Variants in ZNF366 observed in about 807,000 individuals in gnomAD.
ZNF366 encodes the protein dendritic cell-specific transcript protein.
ZNF366 carries 20 observed loss-of-function variants against 47.2 expected under a neutral mutation model. The observed-to-expected ratio is 0.42, with a 90% CI of 0.30 to 0.62. The LOEUF is 0.62. Ranked by LOEUF, ZNF366 falls within the 20% of genes least tolerant of loss-of-function variation. The pLI is 0.16. For synonymous variants in ZNF366, 421 were observed against 395.1 expected (o/e 1.07, Z -0.78); for missense variants, 987 against 976.3 (o/e 1.01, Z -0.15).
intron 1 of ZNF366, among the ~76,000 whole-genome samples, chr5:72,504,849 A>T (rs1179386368): frequency 2.0e-5 from 3 of 152,224 alleles, no homozygotes; most frequent in African/African-American, 7.2e-5. Flanking sequence ...TAATTCTCAC[A>T]ACTCCATTAT....
At chr5:72,457,543 G>A (rs1743216110) in intron 2 of ZNF366, among the ~76,000 whole-genome samples, 1 of 152,194 alleles carries the variant, frequency 6.6e-6, no homozygotes, top group Non-Finnish European at 1.5e-5. Flanking sequence ...CATAGTGGCT[G>A]AAGGAGGGAA....
intron 4 of ZNF366, among the ~76,000 whole-genome samples, chr5:72,446,971 C>T (rs753435048): frequency 7.2e-5 from 11 of 152,134 alleles, no homozygotes; most frequent in East Asian, 1.9e-4. Context: ...TGAATATTAG[C>T]GACAAGCCAC....
At chr5:72,459,031 G>A (rs1170728011) in intron 2 of ZNF366, among the ~76,000 whole-genome samples, 1 of 152,110 alleles carries the variant, frequency 6.6e-6, no homozygotes, top group African/African-American at 2.4e-5. Flanking sequence ...GATGGTTCCT[G>A]CACTTGGCAG....
chr5:72,461,006 G>A lies in ZNF366; in HGVS notation c.491C>T (p.Pro164Leu). 1.2e-6 allele frequency: 2 copies of A among 1,614,102 alleles called. No homozygotes were observed. Among genetic ancestry groups the A allele is most frequent in the Admixed American group, 3.3e-5 (2 of 60,018 alleles). ...PIKPSAVWPQPTPTPFLPTPY... is the reference protein window; with the variant it reads ...PIKPSAVWPQLTPTPFLPTPY... Reference sequence around the variant, plus strand: ...CGTGGGCAGGAATGGAGTGGGCGTTGGCTGGGGCCACACGGCGCTGGGCTT... The same window carrying A: ...CGTGGGCAGGAATGGAGTGGGCGTTAGCTGGGGCCACACGGCGCTGGGCTT... The change falls in exon 2 of 5, where the codon CCA becomes CTA. Residue 164 changes from proline (P) to leucine (L), a missense_variant. Pro to Leu is a moderately conservative substitution (Grantham distance 98, BLOSUM62 -3). Transcript: ENST00000318442.
Position 72,456,437 on chromosome 5 carries a change from G to C in ZNF366, c.1491C>G (p.Ile497Met). 1 of 1,612,350 alleles carries C rather than the reference G, an allele frequency of 6.2e-7. No individual in the cohort carries two copies. Among genetic ancestry groups the C allele is most frequent in the East Asian group, 2.2e-5 (1 of 44,852 alleles). The change falls in exon 3 of 5, where the codon ATC (isoleucine) becomes ATG (methionine). Residue 497 changes from isoleucine to methionine, a missense_variant. Coordinates refer to ENST00000318442, the MANE Select transcript of ZNF366 (RefSeq NM_152625.3). ...TGAAAGGCTTCACGTCAGAGTGGAC[G>C]ATCATGTGTGCCTTGAGGGTCTGCT... ...VQKQTLKAHM[I>M]VHSDVKPFKC...
chr5:72,453,117 T>G (rs1456863151), intron 3 of ZNF366, among the ~76,000 whole-genome samples: 1 of 152,214 alleles, frequency 6.6e-6, no homozygotes, highest in East Asian at 1.9e-4. Flanking sequence ...AGTGAACATT[T>G]CTGCGTGCTA....
intron 1 of ZNF366, among the ~76,000 whole-genome samples, chr5:72,488,347 AT>A (rs1022565778): frequency 1.3e-5 from 2 of 152,004 alleles, no homozygotes; most frequent in African/African-American, 4.8e-5. Flanking sequence ...TTGAACAAAG[AT>A]TTTTTTTCCT....
Position 72,460,859 on chromosome 5 carries a change from A to C in ZNF366, c.638T>G (p.Leu213Arg). 1 of 1,614,052 alleles carries C rather than the reference A, an allele frequency of 6.2e-7. No individual in the cohort carries two copies. Among genetic ancestry groups the C allele is most frequent in the South Asian group, 1.1e-5 (1 of 91,080 alleles). The change falls in exon 2 of 5, where the codon CTG (leucine) becomes CGG (arginine). Residue 213 changes from leucine to arginine, a missense_variant. Leu to Arg is a moderately radical substitution (Grantham distance 102, BLOSUM62 -2). This residue lies in a region of ZNF366 where 591 missense variants were observed against 560.9 expected (regional missense o/e 1.05). Coordinates refer to ENST00000318442, the MANE Select transcript of ZNF366 (RefSeq NM_152625.3). ...CTCCTGGGGCTCGGCTTTCCGGGGCAGCAGAGGTTCCGGGGGCTGCTTGGG... is the reference window on the plus strand; with the variant it reads ...CTCCTGGGGCTCGGCTTTCCGGGGCCGCAGAGGTTCCGGGGGCTGCTTGGG... ...FLPKQPPEPL[L>R]PRKAEPQESE...
At chr5:72,479,257 T>A (rs1331595786) in intron 1 of ZNF366, among the ~76,000 whole-genome samples, 1 of 152,104 alleles carries the variant, frequency 6.6e-6, no homozygotes, top group African/African-American at 2.4e-5. Context: ...TTGAATAGCC[T>A]GATTGTACAA....
chr5:72,461,321 G>A lies in ZNF366; in HGVS notation c.176C>T (p.Pro59Leu), dbSNP rs1743308056. The change falls in exon 2 of 5, where the codon CCT becomes CTT. Residue 59 changes from proline (P) to leucine (L), a missense_variant. Pro to Leu is a moderately conservative substitution (Grantham distance 98). Coordinates refer to ENST00000318442, the MANE Select transcript of ZNF366 (RefSeq NM_152625.3). ...GAACCCATCTAGGTCTCCTGGGGGA[G>A]GTTCATACCGAAACTGGGAAAATGG... ...RGPFSQFRYE[P>L]PPGDLDGFPG... The A allele has an allele frequency of 1.9e-6, 3 of 1,613,962 alleles. No individual in the cohort carries two copies. Among genetic ancestry groups the A allele is most frequent in the Non-Finnish European group, 2.5e-6 (3 of 1,180,032 alleles).
chr5:72,484,603 T>C (rs1743856160), intron 1 of ZNF366, among the ~76,000 whole-genome samples: 1 of 152,212 alleles, frequency 6.6e-6, no homozygotes, highest in Non-Finnish European at 1.5e-5. Flanking sequence ...TTTTGGAGTT[T>C]TGTCAGTTCA....
At chr5:72,504,494 A>G (rs891803180) in intron 1 of ZNF366, among the ~76,000 whole-genome samples, 1 of 152,236 alleles carries the variant, frequency 6.6e-6, no homozygotes, top group Admixed American at 6.5e-5. Flanking sequence ...AGCTGCATTC[A>G]GTGAAGCTAA....
intron 1 of ZNF366, among the ~76,000 whole-genome samples, chr5:72,484,495 A>AAAAAATAATAAT (rs1313925109): frequency 6.9e-6 from 1 of 145,816 alleles, no homozygotes; most frequent in African/African-American, 2.6e-5. Context: ...AAAAAAAAAA[A>AAAAAATAATAAT]AATAATAATA....
chr5:72,461,440 C>T lies in ZNF366; in HGVS notation c.57G>A (p.Val19=), dbSNP rs78980395. Residue 19 remains valine (V), a synonymous_variant, in exon 2 of 5, where the codon GTG becomes GTA. Transcript: ENST00000318442. ...AGTGGGGAAAGGAGGGGGTCTTCTT[C>T]ACAGCCAAGTCGAAATGCACATCCT... ...KDEDVHFDLA[V]KKTPSFPHCL... 67,816 of 1,602,686 alleles carry T rather than the reference C, an allele frequency of 0.042. 1,674 individuals are homozygous for T. Among genetic ancestry groups the T allele is most frequent in the Middle Eastern group, 0.092 (555 of 6,014 alleles).
chr5:72,504,164 A>G (rs1470818955), intron 1 of ZNF366, among the ~76,000 whole-genome samples: 1 of 152,104 alleles, frequency 6.6e-6, no homozygotes, highest in Non-Finnish European at 1.5e-5. Flanking sequence ...TGTGAAGGTG[A>G]GTGGCTCACT....
chr5:72,452,059 C>A (rs962704689), intron 3 of ZNF366, among the ~76,000 whole-genome samples: 2 of 152,186 alleles, frequency 1.3e-5, no homozygotes, highest in African/African-American at 4.8e-5. Flanking sequence ...AGCAGCACAC[C>A]GCCTCGCCCC....
intron 1 of ZNF366, among the ~76,000 whole-genome samples, chr5:72,479,288 C>G (rs535898351): frequency 7.2e-5 from 11 of 151,984 alleles, no homozygotes; most frequent in African/African-American, 2.7e-4. Flanking sequence ...CCTGGCTTGG[C>G]GTTGTGGCTT....
In ZNF366 at chr5:72,456,425, G is replaced by A. The variant is rs142570632; in HGVS notation, c.1503C>T (p.Asp501=). 1.9e-4 allele frequency: 313 copies of A among 1,609,240 alleles called. 3 individuals carry two copies. In the African/African-American group the frequency reaches 3.4e-3, roughly 17 times the overall value. Residue 501 remains aspartate, a synonymous_variant, in exon 3 of 5, where the codon GAC becomes GAT. Coordinates refer to ENST00000318442, the MANE Select transcript of ZNF366 (RefSeq NM_152625.3). ...CCACCTTGCATTTGAAAGGCTTCAC[G>A]TCAGAGTGGACGATCATGTGTGCCT... ...TLKAHMIVHS[D]VKPFKCKLCG... is the part of the protein sequence containing the mutation.
At position 72,461,069 on chromosome 5, in the gene ZNF366, T is replaced by C. The variant is rs143061545; in HGVS notation, c.428A>G (p.Glu143Gly). ...CTTGACGGGCTTGCCCCCAAAGTGTTCCAGGCTGCGGTAGAATTGGAAGCC... is the reference window on the plus strand; with the variant it reads ...CTTGACGGGCTTGCCCCCAAAGTGTCCCAGGCTGCGGTAGAATTGGAAGCC... The part of the protein sequence containing the change: ...NVGFQFYRSL[E>G]HFGGKPVKQE... Residue 143 changes from glutamate to glycine, a missense_variant, in exon 2 of 5, where the codon GAA (glutamate) becomes GGA (glycine). This residue lies in a region of ZNF366 where 591 missense variants were observed against 560.9 expected (regional missense o/e 1.05). Coordinates refer to ENST00000318442, the MANE Select transcript of ZNF366 (RefSeq NM_152625.3). The C allele has an allele frequency of 0.017, 26,958 of 1,614,058 alleles. 271 individuals are homozygous for C. The highest frequency in any genetic ancestry group is 0.02 in the Non-Finnish European group (23,435 of 1,180,014).
Sources: gnomAD v4.1 joint callset for allele counts (sites outside exome capture counted in the v4.1 genomes callset) on GRCh38, gnomAD v4.1.1 for gene constraint, gnomAD v4.1.1 regional missense constraint, MANE v1.5 for transcripts, NCBI Gene and HGNC (gene_info 2026-07-23, HGNC 2026-07-21) for gene names.